Variants in NTRK3 observed in about 807,000 individuals in gnomAD.
NTRK3 encodes NT-3 growth factor receptor.
A neutral mutation model predicts 91.7 loss-of-function variants in NTRK3; 24 were observed. The observed-to-expected ratio is 0.26, with a 90% confidence interval of 0.19 to 0.37. The LOEUF is 0.37. NTRK3 is among the 10% of genes least tolerant of loss of function. The pLI, the probability that NTRK3 is intolerant of heterozygous loss-of-function variation, is 1.00. For missense variants in NTRK3, 880 were observed against 1,068.9 expected (o/e 0.82, Z 2.46); for synonymous variants, 483 against 404.0 (o/e 1.20, Z -2.34).
intron 14 of NTRK3, among the ~76,000 whole-genome samples, chr15:87,941,104 T>A (rs933745295): frequency 6.6e-6 from 1 of 152,096 alleles, no homozygotes; most frequent in African/African-American, 2.4e-5. Context: ...TGCACATGAA[T>A]CCCCTGGGAA....
At chr15:87,933,128 C>A (rs1205742527) in exon 16 of NTRK3, 1 of 1,614,124 alleles carries the variant, frequency 6.2e-7, no homozygotes, top group South Asian at 1.1e-5. Context: ...GGTTGGTGAG[C>A]AGCTCGGCCT....
At chr15:87,977,754 G>C (rs779730525) in intron 14 of NTRK3, 2 of 231,758 alleles carry the variant, frequency 8.6e-6, no homozygotes, top group Non-Finnish European at 1.7e-5. Context: ...CAGATACTGG[G>C]CAAGAACTTG....
chr15:87,880,507 T>A (rs2065181067), intron 17 of NTRK3, 79 bp from the exon 19 acceptor site: 1 of 1,461,620 alleles, frequency 6.8e-7, no homozygotes, highest in Non-Finnish European at 9.5e-7. Flanking sequence ...TCTTCACACA[T>A]AGATGCACTC....
chr15:87,990,147 C>A (rs1451081426), intron 14 of NTRK3, among the ~76,000 whole-genome samples: 1 of 152,102 alleles, frequency 6.6e-6, no homozygotes, highest in African/African-American at 2.4e-5. Flanking sequence ...GCTAGTTGAG[C>A]GGCTTAAGTC....
exon 19 of NTRK3, chr15:87,871,095 T>C (rs2064817819): frequency 4.3e-6 from 1 of 230,334 alleles, no homozygotes. Flanking sequence ...ATCTGAGTTT[T>C]ATTTCTTTGA....
intron 5 of NTRK3, among the ~76,000 whole-genome samples, chr15:88,157,620 C>T (rs931065537): frequency 6.6e-6 from 1 of 152,110 alleles, no homozygotes; most frequent in Non-Finnish European, 1.5e-5. Flanking sequence ...CGCTGAGGAG[C>T]ACACTCAGAA....
At chr15:88,066,099 G>C (rs1233726857) in intron 13 of NTRK3, among the ~76,000 whole-genome samples, 1 of 152,230 alleles carries the variant, frequency 6.6e-6, no homozygotes, top group Non-Finnish European at 1.5e-5. Flanking sequence ...CCCCTATGGA[G>C]AGATAACTGT....
intron 14 of NTRK3, among the ~76,000 whole-genome samples, chr15:88,002,055 A>G (rs1178962316): frequency 1.3e-5 from 2 of 152,092 alleles, no homozygotes; most frequent in East Asian, 3.9e-4. Flanking sequence ...TTGATATAAT[A>G]AAGTCCATGG....
At chr15:88,135,995 C>A (rs1456613305) in exon 9 of NTRK3, 1 of 1,614,116 alleles carries the variant, frequency 6.2e-7, no homozygotes, top group African/African-American at 1.3e-5. Flanking sequence ...GTCACATTCA[C>A]CAGCGTCAAG....
In NTRK3 at chr15:88,255,794, G is replaced by GGCGGGCA; in HGVS notation, c.248+105_248+111dup. The GGCGGGCA allele has an allele frequency of 1.1e-6, 1 of 876,108 alleles. No homozygotes were observed. Among genetic ancestry groups the GGCGGGCA allele is most frequent in the Non-Finnish European group, 1.5e-6 (1 of 645,624 alleles). The allele number at this position is 876,108 out of a possible 1,614,324, so 54.3% of individuals were successfully genotyped here. A position where few individuals can be genotyped will look rare whatever the true frequency, so the allele number is the denominator to read the frequency against. ...CGAGCCTGACGCGCGCCCAGCGGGC[G>GGCGGGCA]GCGGGCAGCGGCGAGCTGGGGCGGG... On this transcript the variant is annotated intron_variant, in intron 3 of 18. Transcript: ENST00000394480. This position sits in a 1 kb window ranked among gnomAD's most constrained non-coding sequence, Gnocchi z 4.3.
intron 14 of NTRK3, among the ~76,000 whole-genome samples, chr15:87,985,153 A>G (rs1213509534): frequency 6.6e-6 from 1 of 152,182 alleles, no homozygotes; most frequent in African/African-American, 2.4e-5. Context: ...GAGACAGCTC[A>G]GAAACTGAAC....
rs115372948 is a variant in NTRK3 at position 87,935,201 on chromosome 15, G to C, written c.1717-2017C>G. ...GTGGGCAGAGGAATAAAAGGACATGGAAGTATAGAAGAGAGGGTCAGGAAA... is the reference window on the plus strand; with the variant it reads ...GTGGGCAGAGGAATAAAAGGACATGCAAGTATAGAAGAGAGGGTCAGGAAA... On this transcript the variant is annotated intron_variant, in intron 15 of 18. Coordinates refer to ENST00000394480, the Ensembl canonical transcript of NTRK3. Among the ~76,000 whole-genome samples the C allele has an allele frequency of 2.6e-3, 390 of 152,288 alleles. 1 individual carries two copies. The highest frequency in any genetic ancestry group is 9.0e-3 in the African/African-American group (376 of 41,560).
chr15:87,880,216 G>A (rs1299749030), intron 18 of NTRK3, 54 bp downstream of exon 19: 1 of 1,610,486 alleles, frequency 6.2e-7, no homozygotes, highest in Non-Finnish European at 8.5e-7. Flanking sequence ...TCTGGGCTGA[G>A]ATAGCTCTTA....
chr15:87,900,363 C>T (rs189672361), intron 17 of NTRK3, among the ~76,000 whole-genome samples: 1 of 152,252 alleles, frequency 6.6e-6, no homozygotes, highest in East Asian at 1.9e-4. Context: ...GGAATGGGGA[C>T]AGGCAGAGGG....
intron 14 of NTRK3, chr15:87,977,444 T>C (rs1472118871): frequency 4.7e-6 from 1 of 214,756 alleles, no homozygotes; most frequent in Non-Finnish European, 9.4e-6. Context: ...CAACGCCCCA[T>C]TGTCATAGCA....
At chr15:88,099,031 T>A in intron 13 of NTRK3, 1 of 231,680 alleles carries the variant, frequency 4.3e-6, no homozygotes, top group South Asian at 1.8e-4. Flanking sequence ...GTAGGGGTGA[T>A]GAACGACAAG....
At chr15:87,997,222 T>C (rs2075771733) in intron 14 of NTRK3, among the ~76,000 whole-genome samples, 1 of 152,232 alleles carries the variant, frequency 6.6e-6, no homozygotes, top group Non-Finnish European at 1.5e-5. Context: ...AAGCATACAG[T>C]GCTTCATACA....
At chr15:88,039,210 G>A (rs2079371262) in intron 13 of NTRK3, among the ~76,000 whole-genome samples, 1 of 151,316 alleles carries the variant, frequency 6.6e-6, no homozygotes, top group Non-Finnish European at 1.5e-5. Flanking sequence ...CGGCCTCTCT[G>A]CTGTCACTAA....
At chr15:88,081,084 A>T (rs75498124) in intron 13 of NTRK3, among the ~76,000 whole-genome samples, 2,228 of 152,352 alleles carry the variant, frequency 0.015, 50 homozygotes, top group African/African-American at 0.051. Context: ...CACTTCTAGC[A>T]CAGATTGGCA....
Sources: allele counts gnomAD v4.1 joint callset (sites outside exome capture counted in the v4.1 genomes callset), GRCh38; gene constraint gnomAD v4.1.1; non-coding constraint Gnocchi (gnomAD v3.1); transcripts MANE v1.5; gene names NCBI Gene and HGNC (gene_info 2026-07-23, HGNC 2026-07-21).